The following ADCY2 variants were observed in gnomAD, a reference collection of about 807,000 sequenced individuals.
ADCY2 encodes the protein adenylate cyclase type 2.
A neutral mutation model predicts 125.2 loss-of-function variants in ADCY2; 31 were observed. The observed-to-expected ratio is 0.25, with a 90% CI of 0.19 to 0.33. ADCY2 has a LOEUF of 0.33. Ranked by LOEUF, ADCY2 falls within the 10% of genes least tolerant of loss-of-function variation. The pLI, the probability that ADCY2 is intolerant of heterozygous loss-of-function variation, is 1.00. For synonymous variants in ADCY2, 512 were observed against 548.4 expected, an observed-to-expected ratio of 0.93 and a Z score of 0.93; for missense variants, 904 against 1,418.2, an observed-to-expected ratio of 0.64 and a Z score of 5.82.
chr5:7,793,305 G>C (rs572434956), intron 20 of ADCY2, among the ~76,000 whole-genome samples: 1 of 152,182 alleles, frequency 6.6e-6, no homozygotes, highest in South Asian at 2.1e-4. Context: ...AAACAAGTTA[G>C]CCGGGCATGG....
At chr5:7,599,791 T>A (rs942833508) in intron 3 of ADCY2, among the ~76,000 whole-genome samples, 3 of 152,082 alleles carry the variant, frequency 2.0e-5, no homozygotes, top group Non-Finnish European at 2.9e-5. Context: ...AAGTGCAGTA[T>A]GGAAAGAGGT....
intron 3 of ADCY2, among the ~76,000 whole-genome samples, chr5:7,553,791 A>G (rs1735416742): frequency 6.6e-6 from 1 of 152,226 alleles, no homozygotes; most frequent in African/African-American, 2.4e-5. Flanking sequence ...CTCCCCAGCC[A>G]GTGCTTGGGA....
At chr5:7,583,920 A>G (rs1435364038) in intron 3 of ADCY2, among the ~76,000 whole-genome samples, 5 of 152,176 alleles carry the variant, frequency 3.3e-5, no homozygotes, top group African/African-American at 4.8e-5. Flanking sequence ...CAACTGTTAC[A>G]TGCAACATAG....
chr5:7,819,459 G>T (rs564916814), intron 23 of ADCY2, among the ~76,000 whole-genome samples: 1 of 152,302 alleles, frequency 6.6e-6, no homozygotes, highest in African/African-American at 2.4e-5. Context: ...AGACTTCAGT[G>T]ATATTGTTCA....
chr5:7,553,707 TG>T (rs1026435868), intron 3 of ADCY2, among the ~76,000 whole-genome samples: 8 of 151,964 alleles, frequency 5.3e-5, no homozygotes, highest in Non-Finnish European at 1.2e-4. Flanking sequence ...AACTGTGGGG[TG>T]CCCCAGGGCT....
chr5:7,499,227 C>T (rs753300859), intron 2 of ADCY2, among the ~76,000 whole-genome samples: 2 of 152,030 alleles, frequency 1.3e-5, no homozygotes, highest in Admixed American at 1.3e-4. Flanking sequence ...AGGATGGTCT[C>T]GATCTCTTGA....
intron 16 of ADCY2, among the ~76,000 whole-genome samples, chr5:7,760,473 G>A (rs1050876975): frequency 7.2e-5 from 11 of 152,162 alleles, no homozygotes; most frequent in East Asian, 5.8e-4. Flanking sequence ...AAATTAAGCC[G>A]CCTCCTGGCC....
At chr5:7,582,869 C>A (rs181127613) in intron 3 of ADCY2, among the ~76,000 whole-genome samples, 177 of 151,978 alleles carry the variant, frequency 1.2e-3, no homozygotes, top group African/African-American at 3.7e-3. Flanking sequence ...TGAAGAGAGG[C>A]CAGAAAGAAA....
At chr5:7,406,388 C>T (rs1408529585) in intron 1 of ADCY2, among the ~76,000 whole-genome samples, 1 of 152,150 alleles carries the variant, frequency 6.6e-6, no homozygotes, top group Non-Finnish European at 1.5e-5. Context: ...TCTACCCAGC[C>T]ACCTCATATA....
At chr5:7,715,416 G>C (rs543451604) in intron 11 of ADCY2, among the ~76,000 whole-genome samples, 2 of 152,236 alleles carry the variant, frequency 1.3e-5, no homozygotes, top group East Asian at 3.9e-4. Flanking sequence ...AGAAGAGAAA[G>C]CCATCAAATT....
chr5:7,779,010 T>C (rs1743830181), intron 18 of ADCY2, among the ~76,000 whole-genome samples: 1 of 152,204 alleles, frequency 6.6e-6, no homozygotes, highest in Non-Finnish European at 1.5e-5. Flanking sequence ...TCCTTTCAGA[T>C]TTACCATCTC....
At chr5:7,504,867 A>T (rs955226085) in intron 2 of ADCY2, among the ~76,000 whole-genome samples, 1 of 151,234 alleles carries the variant, frequency 6.6e-6, no homozygotes, top group Non-Finnish European at 1.5e-5. Context: ...CATTCAGAGG[A>T]AGAGAGGGTT....
chr5:7,520,609 G>T, intron 2 of ADCY2, 129 bp from the exon 3 acceptor site: 1 of 985,230 alleles, frequency 1.0e-6, no homozygotes, highest in Middle Eastern at 2.2e-4. Context: ...GCCCTATTTT[G>T]TCTATAGATT....
At chr5:7,822,627 G>T (rs1265637170) in intron 24 of ADCY2, among the ~76,000 whole-genome samples, 2 of 152,222 alleles carry the variant, frequency 1.3e-5, no homozygotes, top group African/African-American at 4.8e-5. Context: ...ATCATCAGCA[G>T]CTGGAACACA....
chr5:7,533,160 T>C (rs898482183), intron 3 of ADCY2, among the ~76,000 whole-genome samples: 1 of 151,274 alleles, frequency 6.6e-6, no homozygotes, highest in Non-Finnish European at 1.5e-5. Context: ...GTTTTCTATT[T>C]TTCCTGTGAA....
At chr5:7,751,998 C>G (rs1253001207) in intron 15 of ADCY2, among the ~76,000 whole-genome samples, 3 of 152,174 alleles carry the variant, frequency 2.0e-5, no homozygotes, top group African/African-American at 7.2e-5. Flanking sequence ...TCTGGGAAAA[C>G]AGAGACAAGT....
At chr5:7,480,991 T>C (rs570687722) in intron 2 of ADCY2, among the ~76,000 whole-genome samples, 6 of 152,274 alleles carry the variant, frequency 3.9e-5, no homozygotes, top group African/African-American at 1.2e-4. Flanking sequence ...CTTTTTGGGG[T>C]ATATACTGAG....
intron 20 of ADCY2, among the ~76,000 whole-genome samples, chr5:7,792,814 C>T (rs950796182): frequency 1.1e-4 from 17 of 152,210 alleles, no homozygotes; most frequent in African/African-American, 3.9e-4. Flanking sequence ...CGAGCCTCGC[C>T]GTCCTCATCC....
At chr5:7,814,023 A>C (rs1384081711) in intron 22 of ADCY2, among the ~76,000 whole-genome samples, 1 of 115,182 alleles carries the variant, frequency 8.7e-6, no homozygotes, top group East Asian at 2.0e-4. Context: ...GTCGTGAGAC[A>C]AAAAAAAAAA....
Sources: gnomAD v4.1 joint callset for allele counts (sites outside exome capture counted in the v4.1 genomes callset) on GRCh38, gnomAD v4.1.1 for gene constraint, MANE v1.5 for transcripts, NCBI Gene and HGNC (gene_info 2026-07-23, HGNC 2026-07-21) for gene names.